Variants in PPP2R2D observed in about 807,000 individuals in gnomAD.
The protein encoded by PPP2R2D is serine/threonine-protein phosphatase 2A 55 kDa regulatory subunit B delta isoform.
PPP2R2D carries 9 observed loss-of-function variants against 31.1 expected under a neutral mutation model. The ratio of observed to expected loss-of-function variants is 0.29; its 90% CI spans 0.17 to 0.51. PPP2R2D has a LOEUF of 0.51. PPP2R2D is among the 20% of genes least tolerant of loss of function. The pLI, the probability that PPP2R2D is intolerant of heterozygous loss-of-function variation, is 0.98. For missense variants in PPP2R2D, 391 were observed against 465.6 expected (o/e 0.84, Z 1.48); for synonymous variants, 179 against 172.6 (o/e 1.04, Z -0.29).
Position 131,945,609 on chromosome 10 carries a change from G to A in PPP2R2D, c.820+150G>A. On this transcript the variant is annotated intron_variant, in intron 7 of 8. Coordinates refer to ENST00000455566, the MANE Select transcript of PPP2R2D (RefSeq NM_018461.5). This position sits in a 1 kb window ranked among gnomAD's most constrained non-coding sequence, Gnocchi z 4.8. Reference sequence around the variant, plus strand: ...CGAGTAGCTGGGACCACAGGCAGGTGCCACCATGCCCAGCTAGTTTTTGTA... The same window carrying A: ...CGAGTAGCTGGGACCACAGGCAGGTACCACCATGCCCAGCTAGTTTTTGTA... The A allele has an allele frequency of 2.4e-6, 2 of 833,048 alleles. No individual in the cohort carries two copies. Among genetic ancestry groups the A allele is most frequent in the Non-Finnish European group, 3.6e-6 (2 of 550,406 alleles). 51.6% of individuals were successfully genotyped at this position (833,048 alleles called of 1,614,324 possible). A position where few individuals can be genotyped will look rare whatever the true frequency, so the allele number is the denominator to read the frequency against.
chr10:131,923,195 G>A (rs2036027558), intron 2 of PPP2R2D, among the ~76,000 whole-genome samples: 1 of 152,138 alleles, frequency 6.6e-6, no homozygotes, highest in Non-Finnish European at 1.5e-5. Context: ...TTGTTTCTGT[G>A]GATTTGCCTG....
the PPP2R2D span, chr10:131,968,654 G>A: frequency 3.2e-6 from 4 of 1,246,408 alleles, no homozygotes; most frequent in Non-Finnish European, 4.7e-6. Context: ...GCTCACTGTG[G>A]TTAGAGCTTA....
intron 5 of PPP2R2D, among the ~76,000 whole-genome samples, 162 bp from the exon 6 acceptor site, chr10:131,943,806 A>G (rs2119882545): frequency 6.6e-6 from 1 of 152,312 alleles, no homozygotes. Flanking sequence ...TTTGTAGCAT[A>G]TTTTCATAAC....
In PPP2R2D at chr10:131,917,185, T is replaced by C. The variant is rs1444079275; in HGVS notation, c.100+15855T>C. On this transcript the variant is annotated intron_variant, in intron 2 of 8. Coordinates refer to ENST00000455566, the MANE Select transcript of PPP2R2D (RefSeq NM_018461.5). ...GGCGGGTGGAATGACACAGCGTTTG[T>C]AGGGACCTCAGGTGGGTGGAATGAC... is the stretch of plus-strand genomic sequence containing the variant. Among the ~76,000 whole-genome samples, 309 of 117,688 alleles carry C rather than the reference T, an allele frequency of 2.6e-3. 1 individual carries two copies. The highest frequency in any genetic ancestry group is 3.4e-3 in the African/African-American group (101 of 29,494). The allele number at this position is 117,688 out of a possible 152,430, so 77.2% of individuals were successfully genotyped here.
chr10:131,908,195 C>G (rs1227664364), intron 2 of PPP2R2D, among the ~76,000 whole-genome samples: 4 of 152,200 alleles, frequency 2.6e-5, no homozygotes, highest in African/African-American at 9.7e-5. Flanking sequence ...TCCATCTACC[C>G]AGATCCCTTC....
the PPP2R2D span, among the ~76,000 whole-genome samples, chr10:131,965,993 A>T: frequency 1.3e-5 from 2 of 152,174 alleles, no homozygotes; most frequent in African/African-American, 4.8e-5. Context: ...TTTTAATACA[A>T]TCATGTTATA....
intron 8 of PPP2R2D, among the ~76,000 whole-genome samples, chr10:131,951,056 A>T (rs1418352521): frequency 6.6e-6 from 1 of 152,266 alleles, no homozygotes; most frequent in African/African-American, 2.4e-5. Context: ...AGAAAAGAGC[A>T]AAAACCATGA....
intron 2 of PPP2R2D, among the ~76,000 whole-genome samples, chr10:131,916,876 G>T (rs2035802859): frequency 6.7e-6 from 1 of 149,796 alleles, no homozygotes; most frequent in African/African-American, 2.5e-5. Context: ...GACAGTGTTT[G>T]TAGGGACCTC....
At chr10:131,910,287 G>T (rs1243996647) in intron 2 of PPP2R2D, among the ~76,000 whole-genome samples, 1 of 152,276 alleles carries the variant, frequency 6.6e-6, no homozygotes, top group African/African-American at 2.4e-5. Context: ...ATTGTTACAT[G>T]GAGTTGTTTT....
chr10:131,932,421 T>A (rs146963612), intron 2 of PPP2R2D, among the ~76,000 whole-genome samples: 229 of 152,130 alleles, frequency 1.5e-3, no homozygotes, highest in African/African-American at 5.3e-3. Flanking sequence ...GGCAAGTTGA[T>A]CACTTGAGAC....
chr10:131,932,669 C>CAAAAAAAA (rs1180369012), intron 2 of PPP2R2D, among the ~76,000 whole-genome samples: 4 of 90,646 alleles, frequency 4.4e-5, no homozygotes, highest in African/African-American at 8.8e-5. Context: ...AAAAAAAAAA[C>CAAAAAAAA]ACACAAAAAA....
chr10:131,921,285 G>A (rs1407527093), intron 2 of PPP2R2D, among the ~76,000 whole-genome samples: 15 of 152,320 alleles, frequency 9.8e-5, no homozygotes, highest in Admixed American at 8.5e-4. Context: ...GGGAGTGACC[G>A]GGGGAATGTC....
rs1218820841 is a variant in PPP2R2D at position 131,959,814 on chromosome 10, A to C, written c.*3851A>C. 1.3e-5 allele frequency: 2 copies of C among 152,240 alleles called. No individual in the cohort carries two copies. Among genetic ancestry groups the C allele is most frequent in the Non-Finnish European group, 2.9e-5 (2 of 68,048 alleles). The allele number at this position is 152,240 out of a possible 1,614,324, so 9.4% of individuals were successfully genotyped here. On this transcript the variant is annotated 3_prime_UTR_variant, in exon 9 of 9. Transcript: ENST00000455566. The stretch of plus-strand genomic sequence containing the variant: ...ACTATTTTGACCAAAAAGTTCAATA[A>C]ATTTTAAATGTTTAACTGGATTTTC...
chr10:131,922,596 G>C (rs1451551375), intron 2 of PPP2R2D, among the ~76,000 whole-genome samples: 4 of 151,916 alleles, frequency 2.6e-5, no homozygotes, highest in African/African-American at 9.7e-5. Context: ...GGGATTACAG[G>C]TGCACACCAC....
At position 131,945,501 on chromosome 10, in the gene PPP2R2D, C is replaced by T. The variant is rs367933487; in HGVS notation, c.820+42C>T. 1,448 of 1,560,012 alleles carry T rather than the reference C, an allele frequency of 9.3e-4. 2 individuals carry two copies. Among genetic ancestry groups the T allele is most frequent in the Non-Finnish European group, 1.0e-3 (1,186 of 1,147,636 alleles). ...TTGAGATGGAGTCTGGCTCTGTCAC[C>T]CAGGCTGCGGTGCAGTGACACAGTC... On this transcript the variant is annotated intron_variant, in intron 7 of 8. Transcript: ENST00000455566. This position sits in a 1 kb window ranked among gnomAD's most constrained non-coding sequence, Gnocchi z 4.8.
At chr10:131,942,464 AGTGGGC>A (rs2036459305) in intron 5 of PPP2R2D, among the ~76,000 whole-genome samples, 1 of 152,252 alleles carries the variant, frequency 6.6e-6, no homozygotes, top group Non-Finnish European at 1.5e-5. Context: ...AACAGTTCAG[AGTGGGC>A]TATTTATGTA....
At chr10:131,923,619 G>A (rs561610472) in intron 2 of PPP2R2D, among the ~76,000 whole-genome samples, 1 of 152,076 alleles carries the variant, frequency 6.6e-6, no homozygotes, top group Admixed American at 6.6e-5. Flanking sequence ...TCTAATTTTA[G>A]CCATCCTAAT....
chr10:131,902,750 CTT>C (rs2035520882), intron 2 of PPP2R2D, among the ~76,000 whole-genome samples: 1 of 152,128 alleles, frequency 6.6e-6, no homozygotes, highest in Non-Finnish European at 1.5e-5. Context: ...TCTGTTAACT[CTT>C]TATTTTGTTT....
At chr10:131,940,813 C>T (rs1420956875) in intron 5 of PPP2R2D, 119 bp downstream of exon 5, 10 of 584,734 alleles carry the variant, frequency 1.7e-5, no homozygotes, top group African/African-American at 7.5e-5. Flanking sequence ...AGGTCTGCCT[C>T]GTGATTCCTG....
Sources: gnomAD v4.1 joint callset for allele counts (sites outside exome capture counted in the v4.1 genomes callset) on GRCh38, gnomAD v4.1.1 for gene constraint, Gnocchi (gnomAD v3.1) non-coding constraint, MANE v1.5 for transcripts, NCBI Gene and HGNC (gene_info 2026-07-23, HGNC 2026-07-21) for gene names.